Variants in PDE4DIP observed in about 807,000 individuals in gnomAD.
PDE4DIP encodes phosphodiesterase 4D interacting protein.
A neutral mutation model predicts 221.4 loss-of-function variants in PDE4DIP; 59 were observed. That is an observed-to-expected ratio of 0.27 (90% CI 0.22 to 0.33). The LOEUF (loss-of-function observed/expected upper bound fraction) is 0.33. Among genes scored for constraint, PDE4DIP ranks in the 10% least tolerant of loss-of-function variants. The probability of loss-of-function intolerance (pLI) is 1.00; values close to 1 mark genes in which losing one functional copy is unlikely to be tolerated. For synonymous variants in PDE4DIP, 404 were observed against 815.9 expected (o/e 0.50, Z 8.60); for missense variants, 1,036 against 2,154.2 (o/e 0.48, Z 10.28).
intron 35 of PDE4DIP, chr1:149,019,394 A>G (rs1364890406): frequency 2.0e-5 from 3 of 149,252 alleles, no homozygotes; most frequent in African/African-American, 7.5e-5. Flanking sequence ...TAAGCCCAGA[A>G]TGAAGGAATG....
chr1:149,030,101 G>A (rs2076302315), intron 42 of PDE4DIP, 131 bp from the exon 46 acceptor site: 2 of 923,686 alleles, frequency 2.2e-6, no homozygotes, highest in Non-Finnish European at 3.3e-6. Flanking sequence ...GGGGAGGACA[G>A]GGGGTGGATA....
At chr1:149,022,927 T>C (rs1315866391) in intron 37 of PDE4DIP, among the ~76,000 whole-genome samples, 1 of 152,090 alleles carries the variant, frequency 6.6e-6, no homozygotes, top group Non-Finnish European at 1.5e-5. Flanking sequence ...ATTGGGAAGA[T>C]GAAAGGGTAT....
intron 5 of PDE4DIP, among the ~76,000 whole-genome samples, chr1:148,948,290 A>G (rs1246380674): frequency 1.3e-5 from 2 of 152,148 alleles, no homozygotes; most frequent in African/African-American, 4.8e-5. Flanking sequence ...CTACATCATT[A>G]CAAAAGCCCT....
chr1:149,005,512 C>T, intron 27 of PDE4DIP, 75 bp downstream of exon 30: 1 of 1,103,126 alleles, frequency 9.1e-7, no homozygotes, highest in East Asian at 2.4e-5. Context: ...GTAGCTCAGG[C>T]AGTTGGAAGA....
At chr1:149,000,582 A>T (rs879964068) in intron 23 of PDE4DIP, among the ~76,000 whole-genome samples, 74 of 152,016 alleles carry the variant, frequency 4.9e-4, no homozygotes, top group Middle Eastern at 3.4e-3. Flanking sequence ...AATAAAAATT[A>T]AAAAATCACC....
intron 5 of PDE4DIP, chr1:148,941,981 G>C (rs1173065357): frequency 6.6e-6 from 1 of 152,292 alleles, no homozygotes; most frequent in African/African-American, 2.4e-5. Flanking sequence ...TGATTCAGCT[G>C]GAGTATGGAG....
chr1:149,032,299 G>A, exon 44 of PDE4DIP: 1 of 592,366 alleles, frequency 1.7e-6, no homozygotes, highest in Non-Finnish European at 3.0e-6. Context: ...AGCCCCAGCA[G>A]CTTGGGAACT....
chr1:148,998,785 G>A (rs1180327496), intron 23 of PDE4DIP, among the ~76,000 whole-genome samples: 2 of 150,136 alleles, frequency 1.3e-5, no homozygotes, highest in African/African-American at 4.9e-5. Context: ...CGCCCAGGCT[G>A]GAGTGCAGTG....
chr1:149,000,781 C>T (rs2065465566), intron 23 of PDE4DIP, among the ~76,000 whole-genome samples: 1 of 151,172 alleles, frequency 6.6e-6, no homozygotes, highest in Non-Finnish European at 1.5e-5. Context: ...TCTGCTAACT[C>T]TACTAGGTAA....
intron 1 of PDE4DIP, among the ~76,000 whole-genome samples, chr1:148,832,782 C>T (rs1321255025): frequency 3.2e-4 from 44 of 137,936 alleles, no homozygotes; most frequent in African/African-American, 1.0e-3. Flanking sequence ...AGGGATGAAG[C>T]CCACTTGATC....
At chr1:148,940,696 C>T (rs1168396588) in intron 5 of PDE4DIP, among the ~76,000 whole-genome samples, 1 of 151,020 alleles carries the variant, frequency 6.6e-6, no homozygotes, top group South Asian at 2.1e-4. Flanking sequence ...CACAGGAGGC[C>T]GCTGATAGTT....
At chr1:149,009,745 C>A (rs377197248) in exon 30 of PDE4DIP, 1 of 1,613,060 alleles carries the variant, frequency 6.2e-7, no homozygotes, top group South Asian at 1.1e-5. Flanking sequence ...ACATAGTCAG[C>A]GAGTACACAC....
intron 1 of PDE4DIP, among the ~76,000 whole-genome samples, chr1:148,915,185 T>A (rs1243440368): frequency 6.6e-6 from 1 of 152,032 alleles, no homozygotes; most frequent in African/African-American, 2.4e-5. Flanking sequence ...TATGTCCCTG[T>A]TGCCCAGGCT....
Position 148,995,465 on chromosome 1 carries a change from G to A in PDE4DIP, c.2905-2678G>A, listed in dbSNP as rs201095941. Among the ~76,000 whole-genome samples the A allele has an allele frequency of 2.0e-3, 307 of 151,854 alleles. 3 individuals carry two copies. In the East Asian group the frequency reaches 0.027, roughly 13 times the overall value. The stretch of plus-strand genomic sequence containing the variant: ...ACTGACTTAACATTGGGACAGATAC[G>A]AAGCAATAGGGTAAAAGCAAAACAA... On this transcript the variant is annotated intron_variant, in intron 22 of 43. Transcript: ENST00000369354.
intron 23 of PDE4DIP, among the ~76,000 whole-genome samples, chr1:148,999,894 G>C (rs587673811): frequency 1.3e-5 from 2 of 151,210 alleles, no homozygotes; most frequent in Non-Finnish European, 2.9e-5. Context: ...AGAAGGTTTT[G>C]TTGAGTTTTT....
chr1:148,861,591 T>G (rs1435226709), intron 1 of PDE4DIP, among the ~76,000 whole-genome samples: 1 of 68,498 alleles, frequency 1.5e-5, no homozygotes, highest in African/African-American at 8.2e-5. Flanking sequence ...TGAGCCGAGA[T>G]CGTGCCATGC....
chr1:149,026,490 AC>A (rs1553627801), intron 38 of PDE4DIP: 1 of 321,220 alleles, frequency 3.1e-6, no homozygotes, highest in African/African-American at 2.2e-5. Context: ...TTCTCATGGA[AC>A]ACCCCTCAAT....
intron 37 of PDE4DIP, among the ~76,000 whole-genome samples, chr1:149,023,496 A>G (rs1174443950): frequency 3.4e-5 from 5 of 147,752 alleles, no homozygotes; most frequent in African/African-American, 1.2e-4. Flanking sequence ...CATCCCCAGT[A>G]CAAAGAAATA....
chr1:148,938,700 G>T (rs1457438564), intron 5 of PDE4DIP, among the ~76,000 whole-genome samples: 1 of 151,150 alleles, frequency 6.6e-6, no homozygotes, highest in Admixed American at 6.6e-5. Context: ...GAACCTTCCA[G>T]GTCCTTGAAA....
Sources: allele counts gnomAD v4.1 joint callset (sites outside exome capture counted in the v4.1 genomes callset), GRCh38; gene constraint gnomAD v4.1.1; transcripts MANE v1.5; gene names NCBI Gene and HGNC (gene_info 2026-07-23, HGNC 2026-07-21).